The following FNDC1 variants were observed in gnomAD, a reference collection of about 807,000 sequenced individuals.
FNDC1 encodes the protein fibronectin type III domain containing 1.
FNDC1 carries 96 observed loss-of-function variants against 168.0 expected under a neutral mutation model. The ratio of observed to expected loss-of-function variants is 0.57; its 90% CI spans 0.48 to 0.68. The LOEUF is 0.68. Ranked by LOEUF, FNDC1 falls within the 30% of genes least tolerant of loss-of-function variation. The pLI is 0.00. For missense variants in FNDC1, 2,587 were observed against 2,482.1 expected, an observed-to-expected ratio of 1.04 and a Z score of -0.90; for synonymous variants, 1,099 against 1,025.9, an observed-to-expected ratio of 1.07 and a Z score of -1.36.
Position 159,199,486 on chromosome 6 carries a change from G to T in FNDC1, c.305-510G>T, listed in dbSNP as rs1782327319. The stretch of plus-strand genomic sequence containing the variant: ...AAGGGGAATATTTTATTATGAAAAG[G>T]AGAAAATTTCATGAAGCTTTATGTA... On this transcript the variant is annotated intron_variant, in intron 2 of 22. Coordinates refer to ENST00000297267, the MANE Select transcript of FNDC1 (RefSeq NM_032532.3). Among the ~76,000 whole-genome samples, 5 of 152,206 alleles carry T rather than the reference G, an allele frequency of 3.3e-5. No homozygotes were observed. The South Asian group carries it at 1.0e-3, about 32-fold the overall frequency.
chr6:159,169,507 C>A lies in FNDC1; in HGVS notation c.-90C>A. On this transcript the variant is annotated 5_prime_UTR_variant, in exon 1 of 23. Transcript: ENST00000297267. This position sits in a 1 kb window ranked among gnomAD's most constrained non-coding sequence, Gnocchi z 6.8. ...AGAACAGACGGACGGCGGCGGGGAC[C>A]CGACGGCGGCGCCTCGGCACTCCCC... 3.7e-6 allele frequency: 1 copy of A among 267,410 alleles called. No homozygotes were observed. Among genetic ancestry groups the A allele is most frequent in the Non-Finnish European group, 6.1e-6 (1 of 162,976 alleles). The allele number at this position is 267,410 out of a possible 1,614,324, so 16.6% of individuals were successfully genotyped here. A position where few individuals can be genotyped will look rare whatever the true frequency, so the allele number is the denominator to read the frequency against.
chr6:159,238,517 T>C (rs1016191714), intron 12 of FNDC1, 37 bp from the exon 13 acceptor site: 1 of 1,434,574 alleles, frequency 7.0e-7, no homozygotes, highest in Non-Finnish European at 9.7e-7. Context: ...CATTTCAAAA[T>C]GTCCAATATA....
At position 159,232,011 on chromosome 6, in the gene FNDC1, G is replaced by C; in HGVS notation, c.1499G>C (p.Arg500Thr). 2 of 1,613,992 alleles carry C rather than the reference G, an allele frequency of 1.2e-6. No homozygotes were observed. Among genetic ancestry groups the C allele is most frequent in the Non-Finnish European group, 1.7e-6 (2 of 1,179,902 alleles). The part of the protein sequence containing the change: ...HPSVPASPQG[R>T]NAKDLLLDLK... ...TCTGTGCCTGCTTCTCCCCAAGGGA[G>C]AAATGCCAAGGACCTTCTTCTTGAC... The change falls in exon 11 of 23, where the codon AGA becomes ACA. Residue 500 changes from arginine to threonine, a missense_variant. Arg to Thr is a moderately conservative substitution (Grantham distance 71, BLOSUM62 -1). Coordinates refer to ENST00000297267, the MANE Select transcript of FNDC1 (RefSeq NM_032532.3). This position sits in a 1 kb window ranked among gnomAD's most constrained non-coding sequence, Gnocchi z 4.9.
Position 159,221,646 on chromosome 6 carries a change from G to A in FNDC1, c.716G>A (p.Gly239Asp), listed in dbSNP as rs564466464. The A allele has an allele frequency of 1.2e-6, 2 of 1,614,014 alleles. No homozygotes were observed. Among genetic ancestry groups the A allele is most frequent in the Admixed American group, 1.7e-5 (1 of 60,026 alleles). Reference protein sequence around the residue: ...VVSLQSMNSQGRSQPVYRAAL... With the variant: ...VVSLQSMNSQDRSQPVYRAAL... Reference sequence around the variant, plus strand: ...TCCCTGCAGTCCATGAACTCTCAGGGCCGGAGCCAACCAGTCTACAGGGCT... The same window carrying A: ...TCCCTGCAGTCCATGAACTCTCAGGACCGGAGCCAACCAGTCTACAGGGCT... The change falls in exon 6 of 23, where the codon GGC becomes GAC. Residue 239 changes from glycine to aspartate, a missense_variant. Gly to Asp is a moderately conservative substitution (Grantham distance 94). Transcript: ENST00000297267.
intron 4 of FNDC1, among the ~76,000 whole-genome samples, chr6:159,206,211 C>T (rs1782484463): frequency 6.6e-6 from 1 of 152,240 alleles, no homozygotes; most frequent in Non-Finnish European, 1.5e-5. Context: ...AACATGTACC[C>T]CAATTCAAAA....
Position 159,177,714 on chromosome 6 carries a change from A to C in FNDC1, c.109+8009A>C, listed in dbSNP as rs1436987141. On this transcript the variant is annotated intron_variant, in intron 1 of 22. Transcript: ENST00000297267. ...TGCAGAGAAGGCTCGGCCTCCTCTG[A>C]TGGATGTGTGCTCGTGATGACGCAT... 2.6e-5 allele frequency among the ~76,000 whole-genome samples: 4 copies of C among 152,262 alleles called. No homozygotes were observed. In the Middle Eastern group the frequency reaches 0.01, roughly 388 times the overall value.
chr6:159,201,055 G>A (rs1782368420), intron 4 of FNDC1, among the ~76,000 whole-genome samples: 3 of 152,138 alleles, frequency 2.0e-5, no homozygotes, highest in Non-Finnish European at 4.4e-5. Context: ...CCATATTTGT[G>A]TATCTGTTTG....
At position 159,268,146 on chromosome 6, in the gene FNDC1, C is replaced by T. The variant is rs149876845; in HGVS notation, c.5569+220C>T. Among the ~76,000 whole-genome samples the T allele has an allele frequency of 1.3e-3, 205 of 152,196 alleles. 6 individuals are homozygous for T. In the South Asian group the frequency reaches 0.029, roughly 22 times the overall value. The stretch of plus-strand genomic sequence containing the variant: ...TCAAGGAGGTGGGGAACGGCATGAA[C>T]AAAGGTACAGAGAAGGCAAAGATAA... On this transcript the variant is annotated intron_variant, in intron 22 of 22. Coordinates refer to ENST00000297267, the MANE Select transcript of FNDC1 (RefSeq NM_032532.3).
Position 159,225,670 on chromosome 6 carries a change from T to C in FNDC1, c.1020T>C (p.Gly340=). 2.5e-6 allele frequency: 4 copies of C among 1,613,852 alleles called. No individual in the cohort carries two copies. Among genetic ancestry groups the C allele is most frequent in the Non-Finnish European group, 3.4e-6 (4 of 1,179,832 alleles). The change falls in exon 8 of 23, where the codon GGT becomes GGC. Residue 340 remains glycine (G), a synonymous_variant. Transcript: ENST00000297267. ...VYEFAVRISQ[G]ERDGKWSTSV... ...AATTTGCAGTCCGTATTTCACAGGG[T>C]GAAAGAGATGGCAAATGGAGTACGT...
intron 4 of FNDC1, among the ~76,000 whole-genome samples, chr6:159,202,915 A>T (rs566211624): frequency 3.2e-4 from 48 of 152,182 alleles, no homozygotes; most frequent in Non-Finnish European, 5.6e-4. Flanking sequence ...TGGCTTAGAA[A>T]ACACAAATTT....
intron 4 of FNDC1, among the ~76,000 whole-genome samples, chr6:159,211,111 G>A (rs1228233380): frequency 6.6e-6 from 1 of 152,198 alleles, no homozygotes; most frequent in East Asian, 1.9e-4. Flanking sequence ...CTGGTGCTGG[G>A]GATGGTGGGG....
intron 1 of FNDC1, among the ~76,000 whole-genome samples, chr6:159,183,238 G>A (rs189855816): frequency 2.0e-5 from 3 of 152,324 alleles, no homozygotes; most frequent in African/African-American, 7.2e-5. Context: ...TGCTTTCTTT[G>A]AGGGCCTTGA....
At chr6:159,211,014 G>A (rs1782592464) in intron 4 of FNDC1, among the ~76,000 whole-genome samples, 1 of 152,132 alleles carries the variant, frequency 6.6e-6, no homozygotes, top group Non-Finnish European at 1.5e-5. Context: ...ACTGAACTTC[G>A]AGCACCATGG....
At chr6:159,245,663 T>C (rs1291816980) in intron 14 of FNDC1, among the ~76,000 whole-genome samples, 1 of 152,220 alleles carries the variant, frequency 6.6e-6, no homozygotes, top group African/African-American at 2.4e-5. Flanking sequence ...GAAGATGCCT[T>C]TTATGCTTAA....
At chr6:159,212,599 G>A (rs1026000942) in intron 4 of FNDC1, among the ~76,000 whole-genome samples, 2 of 152,052 alleles carry the variant, frequency 1.3e-5, no homozygotes, top group Non-Finnish European at 2.9e-5. Context: ...TTAGAGGGAG[G>A]ACATTCTCAC....
intron 17 of FNDC1, among the ~76,000 whole-genome samples, chr6:159,256,306 C>G (rs1320292949): frequency 6.6e-6 from 1 of 152,184 alleles, no homozygotes; most frequent in Non-Finnish European, 1.5e-5. Flanking sequence ...CAGCAGGCAT[C>G]AGGAAGTGTC....
In FNDC1 at chr6:159,223,606, A is replaced by C. The variant is rs769578483; in HGVS notation, c.845A>C (p.Asp282Ala). 6.2e-7 allele frequency: 1 copy of C among 1,613,552 alleles called. No homozygotes were observed. The highest frequency in any genetic ancestry group is 8.5e-7 in the Non-Finnish European group (1 of 1,179,654). ...CAGTCTGTGCTTGTGTCCTGGGTGGATCCTGTTCTGGAAAAACAGAAGAAA... is the reference window on the plus strand; with the variant it reads ...CAGTCTGTGCTTGTGTCCTGGGTGGCTCCTGTTCTGGAAAAACAGAAGAAA... The part of the protein sequence containing the change: ...SSQSVLVSWV[D>A]PVLEKQKKVV... Residue 282 changes from aspartate (D) to alanine (A), a missense_variant, in exon 7 of 23, where the codon GAT becomes GCT. Asp to Ala is a moderately radical substitution (Grantham distance 126, BLOSUM62 -2). Coordinates refer to ENST00000297267, the MANE Select transcript of FNDC1 (RefSeq NM_032532.3).
chr6:159,256,663 G>T, intron 18 of FNDC1, 32 bp downstream of exon 18: 1 of 1,484,920 alleles, frequency 6.7e-7, no homozygotes, highest in Non-Finnish European at 9.4e-7. Context: ...GAAAAGATGA[G>T]ATCCATGTGC....
intron 22 of FNDC1, 119 bp from the exon 23 acceptor site, chr6:159,271,208 C>T (rs547681375): frequency 2.9e-5 from 20 of 688,756 alleles, no homozygotes; most frequent in Admixed American, 1.2e-4. Flanking sequence ...TTGAAAGTAG[C>T]GTTTTGTCAC....
Sources: allele counts gnomAD v4.1 joint callset (sites outside exome capture counted in the v4.1 genomes callset), GRCh38; gene constraint gnomAD v4.1.1; non-coding constraint Gnocchi (gnomAD v3.1); transcripts MANE v1.5; gene names NCBI Gene and HGNC (gene_info 2026-07-23, HGNC 2026-07-21).